GAB1: variants seen among roughly 807,000 people sequenced by gnomAD.
GAB1 encodes the protein GRB2-associated-binding protein 1.
Under a neutral mutation model 66.5 loss-of-function variants are expected in GAB1, and 19 were observed. That is an observed-to-expected ratio of 0.29 (90% confidence interval 0.20 to 0.42). GAB1 has a LOEUF of 0.42. Ranked by LOEUF, GAB1 falls within the 10% of genes least tolerant of loss-of-function variation. The pLI, the probability that GAB1 is intolerant of heterozygous loss-of-function variation, is 1.00. For synonymous variants in GAB1, 294 were observed against 301.4 expected, an observed-to-expected ratio of 0.98 and a Z score of 0.25; for missense variants, 732 against 858.5, an observed-to-expected ratio of 0.85 and a Z score of 1.84.
At position 143,408,999 on chromosome 4, in the gene GAB1, G is replaced by A. The variant is rs142893091; in HGVS notation, c.73-6478G>A. Among the ~76,000 whole-genome samples the A allele has an allele frequency of 5.3e-5, 8 of 152,292 alleles. No homozygotes were observed. In the East Asian group the frequency reaches 1.4e-3, roughly 26 times the overall value. ...CAGCTATCTGGACAAGGTATACTTT[G>A]TTAGGGCTTAACAACTACCAAGAGA... is the stretch of plus-strand genomic sequence containing the variant. On this transcript the variant is annotated intron_variant, in intron 1 of 9. Coordinates refer to ENST00000262994, the MANE Select transcript of GAB1 (RefSeq NM_002039.4).
At chr4:143,422,488 A>G (rs1395569666) in intron 2 of GAB1, among the ~76,000 whole-genome samples, 1 of 152,144 alleles carries the variant, frequency 6.6e-6, no homozygotes, top group Non-Finnish European at 1.5e-5. Context: ...CTATCACATC[A>G]AGTTTGAAAC....
Position 143,336,967 on chromosome 4 carries a change from C to T in GAB1, c.-222C>T, listed in dbSNP as rs28989190. The T allele has an allele frequency of 9.2e-3, 4,451 of 483,308 alleles. 169 individuals are homozygous for T. Among genetic ancestry groups the T allele is most frequent in the African/African-American group, 0.083 (4,048 of 48,550 alleles). 29.9% of individuals were successfully genotyped at this position (483,308 alleles called of 1,614,324 possible). A position where few individuals can be genotyped will look rare whatever the true frequency, so the allele number is the denominator to read the frequency against. On this transcript the variant is annotated 5_prime_UTR_variant, in exon 1 of 10. Coordinates refer to ENST00000262994, the MANE Select transcript of GAB1 (RefSeq NM_002039.4). Reference sequence around the variant, plus strand: ...GCGCACTGAAAGGAGGCCGGCGCGCCCGCGGCCCCGGCTCGCGTTCTGTTC... The same window carrying T: ...GCGCACTGAAAGGAGGCCGGCGCGCTCGCGGCCCCGGCTCGCGTTCTGTTC...
intron 6 of GAB1, among the ~76,000 whole-genome samples, chr4:143,446,307 C>A (rs1234149726): frequency 6.6e-6 from 1 of 152,006 alleles, no homozygotes; most frequent in African/African-American, 2.4e-5. Flanking sequence ...GGGTATATAC[C>A]CAGTAATGGG....
intron 6 of GAB1, among the ~76,000 whole-genome samples, chr4:143,445,199 C>T (rs954542831): frequency 5.3e-5 from 8 of 152,198 alleles, no homozygotes; most frequent in Non-Finnish European, 7.3e-5. Flanking sequence ...ACTAATTTTA[C>T]ATTCCCACCA....
intron 6 of GAB1, among the ~76,000 whole-genome samples, chr4:143,449,773 G>A (rs909948170): frequency 1.7e-4 from 26 of 152,074 alleles, no homozygotes; most frequent in African/African-American, 6.0e-4. Flanking sequence ...TTCAATTGGA[G>A]CATTTAGTCC....
chr4:143,364,964 G>A (rs1168937666), intron 1 of GAB1, among the ~76,000 whole-genome samples: 2 of 135,678 alleles, frequency 1.5e-5, no homozygotes, highest in Non-Finnish European at 3.0e-5. Flanking sequence ...TGCAAGCTCC[G>A]CCTCCCGGGT....
Position 143,457,863 on chromosome 4 carries a change from A to C in GAB1, c.1586-1522A>C. On this transcript the variant is annotated intron_variant, in intron 6 of 9. Coordinates refer to ENST00000262994, the MANE Select transcript of GAB1 (RefSeq NM_002039.4). ...TTCTAAAAATAAAGAAGAACCTTAA[A>C]TACTACTGCTGTTGTAAATAAAACT... 4.6e-6 allele frequency: 3 copies of C among 657,918 alleles called. No homozygotes were observed. The South Asian group carries it at 5.8e-5, about 13-fold the overall frequency. 40.8% of individuals were successfully genotyped at this position (657,918 alleles called of 1,614,324 possible).
chr4:143,402,694 G>T (rs1451585184), intron 1 of GAB1, among the ~76,000 whole-genome samples: 1 of 152,124 alleles, frequency 6.6e-6, no homozygotes, highest in African/African-American at 2.4e-5. Context: ...ACCTTTCCCT[G>T]TTCTACCCTT....
intron 1 of GAB1, among the ~76,000 whole-genome samples, chr4:143,344,362 G>T (rs1728923603): frequency 6.6e-6 from 1 of 152,130 alleles, no homozygotes; most frequent in South Asian, 2.1e-4. Flanking sequence ...CATCAACATG[G>T]CGCCTAATTT....
intron 9 of GAB1, among the ~76,000 whole-genome samples, chr4:143,468,208 C>CTTAT: frequency 1.4e-5 from 1 of 70,066 alleles, no homozygotes; most frequent in Non-Finnish European, 2.6e-5. Flanking sequence ...AGTTTGAATT[C>CTTAT]TTTTTTTTTT....
At chr4:143,463,642 AT>A (rs1352730199) in intron 8 of GAB1, among the ~76,000 whole-genome samples, 10 of 151,588 alleles carry the variant, frequency 6.6e-5, no homozygotes, top group Non-Finnish European at 1.5e-4. Context: ...AAAAAAAAAA[AT>A]CTCACACTAC....
chr4:143,348,012 G>C (rs894560296), intron 1 of GAB1, among the ~76,000 whole-genome samples: 2 of 152,132 alleles, frequency 1.3e-5, no homozygotes, highest in Non-Finnish European at 2.9e-5. Flanking sequence ...CTAAGTGTTG[G>C]AGTTCTTGAG....
At chr4:143,445,534 A>G (rs543186495) in intron 6 of GAB1, among the ~76,000 whole-genome samples, 57 of 152,248 alleles carry the variant, frequency 3.7e-4, no homozygotes, top group Non-Finnish European at 7.4e-4. Flanking sequence ...CCCATTCTGT[A>G]GGTTGACTGT....
rs1205179983 is a variant in GAB1, at chr4:143,469,837, C to G, written c.*648C>G. The G allele has an allele frequency of 1.3e-5, 2 of 152,618 alleles. No homozygotes were observed. The highest frequency in any genetic ancestry group is 2.9e-5 in the Non-Finnish European group (2 of 68,062). The allele number at this position is 152,618 out of a possible 1,614,324, so 9.5% of individuals were successfully genotyped here. A position where few individuals can be genotyped will look rare whatever the true frequency, so the allele number is the denominator to read the frequency against. On this transcript the variant is annotated 3_prime_UTR_variant, in exon 10 of 10. Coordinates refer to ENST00000262994, the MANE Select transcript of GAB1 (RefSeq NM_002039.4). ...TTTGTTAATTACAGTGTTTTTGGTT[C>G]ATTGAGTGAAGATTCTGCCGGGTGG... is the stretch of plus-strand genomic sequence containing the variant.
chr4:143,440,135 T>C lies in GAB1; in HGVS notation c.1338T>C (p.Asn446=). The change falls in exon 6 of 10, where the codon AAT becomes AAC. Residue 446 remains asparagine (N), a synonymous_variant. Coordinates refer to ENST00000262994, the MANE Select transcript of GAB1 (RefSeq NM_002039.4). ...GSVSSEELDE[N]YVPMNPNSPP... ...TTTCAAGTGAAGAACTGGATGAAAA[T>C]TACGTCCCAATGAATCCCAATTCAC... is the stretch of plus-strand genomic sequence containing the variant. The C allele has an allele frequency of 6.2e-7, 1 of 1,614,076 alleles. No homozygotes were observed. The highest frequency in any genetic ancestry group is 8.5e-7 in the Non-Finnish European group (1 of 1,180,004).
intron 1 of GAB1, among the ~76,000 whole-genome samples, chr4:143,345,616 G>A (rs1380006361): frequency 6.6e-6 from 1 of 152,130 alleles, no homozygotes; most frequent in Non-Finnish European, 1.5e-5. Flanking sequence ...ACTGCACGTA[G>A]GGGAAAGCAT....
At chr4:143,358,653 C>A (rs1443646379) in intron 1 of GAB1, among the ~76,000 whole-genome samples, 2 of 152,180 alleles carry the variant, frequency 1.3e-5, no homozygotes, top group East Asian at 3.8e-4. Flanking sequence ...TTTAAGCTGA[C>A]AGCATGTGTG....
intron 6 of GAB1, among the ~76,000 whole-genome samples, chr4:143,457,097 T>C (rs985800720): frequency 2.0e-5 from 3 of 152,234 alleles, no homozygotes; most frequent in African/African-American, 7.2e-5. Flanking sequence ...GGTCTTGTTT[T>C]GGTTTTAGAT....
intron 4 of GAB1, among the ~76,000 whole-genome samples, chr4:143,438,940 T>A (rs935833397): frequency 6.6e-6 from 1 of 152,104 alleles, no homozygotes; most frequent in African/African-American, 2.4e-5. Flanking sequence ...CCTCTCCGAG[T>A]CATACCCTTT....
Sources: allele counts gnomAD v4.1 joint callset (sites outside exome capture counted in the v4.1 genomes callset), GRCh38; gene constraint gnomAD v4.1.1; transcripts MANE v1.5; gene names NCBI Gene and HGNC (gene_info 2026-07-23, HGNC 2026-07-21).